CLEC5A: variants seen among roughly 807,000 people sequenced by gnomAD.
CLEC5A encodes the protein C-type lectin domain family 5 member A.
In CLEC5A, 15 loss-of-function variants were observed where a neutral mutation model predicts 24.4. That is an observed-to-expected ratio of 0.62 (90% CI 0.41 to 0.95). The LOEUF is 0.95. CLEC5A is among the 40% of genes least tolerant of loss of function. The pLI is 0.00. For missense variants in CLEC5A, 211 were observed against 224.0 expected, an observed-to-expected ratio of 0.94 and a Z score of 0.37; for synonymous variants, 71 against 72.6, an observed-to-expected ratio of 0.98 and a Z score of 0.11.
At chr7:141,936,363 G>A (rs978478625) in intron 4 of CLEC5A, 1 of 250,624 alleles carries the variant, frequency 4.0e-6, no homozygotes. Flanking sequence ...TGCAGTGACA[G>A]CATGGCATGG....
At chr7:141,933,581 T>C (rs1554440652) in intron 5 of CLEC5A, among the ~76,000 whole-genome samples, 1 of 9,244 alleles carries the variant, frequency 1.1e-4, no homozygotes, top group African/African-American at 1.9e-4. Flanking sequence ...CAGGCATATA[T>C]ATATATATAT....
chr7:141,945,501 T>C (rs1389976685), intron 2 of CLEC5A, 101 bp from the exon 3 acceptor site: 5 of 812,192 alleles, frequency 6.2e-6, no homozygotes, highest in African/African-American at 5.0e-5. Context: ...CTGTGACTAT[T>C]AGTGGGAAAT....
chr7:141,936,131 G>A (rs922842257), intron 4 of CLEC5A, 181 bp from the exon 5 acceptor site: 76 of 603,758 alleles, frequency 1.3e-4, no homozygotes, highest in Non-Finnish European at 2.1e-4. Context: ...AATAATATAA[G>A]GAGAATAAGG....
chr7:141,934,486 G>C (rs1802555728), intron 5 of CLEC5A, among the ~76,000 whole-genome samples: 1 of 152,098 alleles, frequency 6.6e-6, no homozygotes, highest in Non-Finnish European at 1.5e-5. Context: ...TAGTGAGTTT[G>C]TGGGCCTCTT....
chr7:141,941,388 T>C (rs117621281), intron 4 of CLEC5A, among the ~76,000 whole-genome samples: 3,254 of 152,152 alleles, frequency 0.021, 54 homozygotes, highest in Middle Eastern at 0.075. Flanking sequence ...CCCTTCATGA[T>C]TAAAACTCTC....
chr7:141,935,210 G>A (rs563510353), intron 5 of CLEC5A, among the ~76,000 whole-genome samples: 1 of 152,294 alleles, frequency 6.6e-6, no homozygotes, highest in African/African-American at 2.4e-5. Context: ...TAGAGTATGG[G>A]TTTTGGAGTC....
chr7:141,932,845 A>G (rs1802504851), intron 5 of CLEC5A, among the ~76,000 whole-genome samples: 1 of 152,216 alleles, frequency 6.6e-6, no homozygotes, highest in Non-Finnish European at 1.5e-5. Context: ...AAGTTACAAC[A>G]GCAGAGACCA....
chr7:141,944,433 C>T (rs1802892089), intron 3 of CLEC5A, among the ~76,000 whole-genome samples: 4 of 152,150 alleles, frequency 2.6e-5, no homozygotes, highest in Non-Finnish European at 4.4e-5. Flanking sequence ...CTCTGGGACT[C>T]TTTTCTCATC....
chr7:141,931,548 G>T (rs1554440343), intron 6 of CLEC5A, 172 bp downstream of exon 6: 8 of 540,014 alleles, frequency 1.5e-5, no homozygotes. Flanking sequence ...TCTTTCATAA[G>T]AAAACATTTA....
At chr7:141,942,639 A>C (rs538892554) in intron 4 of CLEC5A, among the ~76,000 whole-genome samples, 1 of 152,234 alleles carries the variant, frequency 6.6e-6, no homozygotes, top group South Asian at 2.1e-4. Context: ...TGAAGAGACA[A>C]TCCACAGAAT....
At chr7:141,932,115 G>T (rs1316532638) in intron 5 of CLEC5A, among the ~76,000 whole-genome samples, 1 of 152,174 alleles carries the variant, frequency 6.6e-6, no homozygotes, top group African/African-American at 2.4e-5. Context: ...AGGTGATACT[G>T]ATGTTTCTGT....
intron 4 of CLEC5A, among the ~76,000 whole-genome samples, 197 bp downstream of exon 4, chr7:141,943,699 A>G (rs1802865118): frequency 6.6e-6 from 1 of 152,174 alleles, no homozygotes; most frequent in Non-Finnish European, 1.5e-5. Context: ...ACTCATGAAT[A>G]TATATACCTA....
At chr7:141,930,320 G>T in intron 6 of CLEC5A, 102 bp from the exon 7 acceptor site, 1 of 859,872 alleles carries the variant, frequency 1.2e-6, no homozygotes, top group Non-Finnish European at 1.8e-6. Flanking sequence ...CAGAGTGAGA[G>T]TCTTGCAGGA....
chr7:141,931,662 A>T, intron 6 of CLEC5A, 58 bp downstream of exon 6: 1 of 899,928 alleles, frequency 1.1e-6, no homozygotes, highest in Non-Finnish European at 1.9e-6. Flanking sequence ...CAGCAATCTC[A>T]GGTTTGGTCT....
intron 4 of CLEC5A, 101 bp from the exon 5 acceptor site, chr7:141,936,051 A>C: frequency 6.2e-6 from 6 of 972,768 alleles, no homozygotes; most frequent in Non-Finnish European, 8.0e-6. Flanking sequence ...CTTTGTTTTA[A>C]CAATTATATT....
chr7:141,940,953 G>C (rs180857254), intron 4 of CLEC5A, among the ~76,000 whole-genome samples: 1 of 151,836 alleles, frequency 6.6e-6, no homozygotes, highest in Non-Finnish European at 1.5e-5. Flanking sequence ...TCCCAATAAA[G>C]AAAAGCCCAG....
At chr7:141,943,835 C>T (rs1452418063) in intron 4 of CLEC5A, 61 bp downstream of exon 4, 1 of 1,158,840 alleles carries the variant, frequency 8.6e-7, no homozygotes, top group Admixed American at 1.7e-5. Flanking sequence ...GGAGAAATCT[C>T]TAAGAATTCA....
At position 141,935,802 on chromosome 7, in the gene CLEC5A, C is replaced by A. The variant is rs1802601663; in HGVS notation, c.345+12G>T. The A allele has an allele frequency of 6.2e-7, 1 of 1,613,682 alleles. No individual in the cohort carries two copies. The highest frequency in any genetic ancestry group is 8.5e-7 in the Non-Finnish European group (1 of 1,179,608). ...AGTGTGTGGCTTTACTGTACCATTC[C>A]AGTGTTCTCACCAGTTTCTCTGGCG... On this transcript the variant is annotated intron_variant, in intron 5 of 6. Coordinates refer to ENST00000546910, the MANE Select transcript of CLEC5A (RefSeq NM_013252.3).
chr7:141,939,382 A>G (rs1292096563), intron 4 of CLEC5A, among the ~76,000 whole-genome samples: 1 of 152,150 alleles, frequency 6.6e-6, no homozygotes, highest in African/African-American at 2.4e-5. Flanking sequence ...GGGCTATAAG[A>G]TAGTATTTGC....
Sources: allele counts gnomAD v4.1 joint callset (sites outside exome capture counted in the v4.1 genomes callset), GRCh38; gene constraint gnomAD v4.1.1; transcripts MANE v1.5; gene names NCBI Gene and HGNC (gene_info 2026-07-23, HGNC 2026-07-21).